The following AGBL1 variants were observed in gnomAD, a reference collection of about 807,000 sequenced individuals.
AGBL1 encodes cytosolic carboxypeptidase 4.
In AGBL1, 130 loss-of-function variants were observed where a neutral mutation model predicts 118.9. That is an observed-to-expected ratio of 1.09 (90% CI 0.95 to 1.26). The LOEUF is 1.26. Ranked by LOEUF, AGBL1 falls within the 50% of genes most tolerant of loss-of-function variation. The pLI is 0.00. For missense variants in AGBL1, 1,584 were observed against 1,298.1 expected (o/e 1.22, Z -3.38); for synonymous variants, 555 against 478.9 (o/e 1.16, Z -2.08).
intron 21 of AGBL1, among the ~76,000 whole-genome samples, chr15:86,655,473 A>C (rs1370195640): frequency 2.0e-5 from 3 of 152,194 alleles, no homozygotes; most frequent in Non-Finnish European, 4.4e-5. Context: ...GTAGGTAATC[A>C]ATAATTTCCC....
chr15:86,526,563 TATATATATATACAC>T (rs201284175), intron 19 of AGBL1, among the ~76,000 whole-genome samples: 4,031 of 140,232 alleles, frequency 0.029, 157 homozygotes, highest in African/African-American at 0.083. Flanking sequence ...TATATATATA[TATATATATATACAC>T]ACAGAGTATA....
chr15:86,626,694 C>G (rs949737517), intron 21 of AGBL1, among the ~76,000 whole-genome samples: 2 of 152,004 alleles, frequency 1.3e-5, no homozygotes, highest in Non-Finnish European at 2.9e-5. Context: ...ATTTGGAGAA[C>G]AGTGAAGACT....
At chr15:86,737,429 G>A (rs2077618260) in intron 22 of AGBL1, among the ~76,000 whole-genome samples, 1 of 152,172 alleles carries the variant, frequency 6.6e-6, no homozygotes, top group Non-Finnish European at 1.5e-5. Flanking sequence ...TCTCTACAAA[G>A]TGAAGTTTGT....
chr15:87,030,899 T>C (rs1287764354), downstream of AGBL1, among the ~76,000 whole-genome samples: 4 of 151,870 alleles, frequency 2.6e-5, no homozygotes, highest in Non-Finnish European at 4.4e-5. Flanking sequence ...TACACTCTGG[T>C]AGGATGTTGC....
intron 21 of AGBL1, among the ~76,000 whole-genome samples, chr15:86,659,605 G>C (rs574692439): frequency 7.9e-5 from 12 of 152,178 alleles, no homozygotes; most frequent in African/African-American, 2.6e-4. Flanking sequence ...ATACATCCCA[G>C]TTCTTTTGTC....
chr15:86,860,006 T>G (rs566868131), intron 22 of AGBL1, among the ~76,000 whole-genome samples: 1 of 152,364 alleles, frequency 6.6e-6, no homozygotes, highest in Non-Finnish European at 1.5e-5. Flanking sequence ...TTCAGGCATC[T>G]GATCCCAAGT....
Position 86,916,114 on chromosome 15 carries a change from GA to G in AGBL1, c.*8823del, listed in dbSNP as rs2080419745. 3 of 152,332 alleles carry G rather than the reference GA, an allele frequency of 2.0e-5. No individual in the cohort carries two copies. In the East Asian group the frequency reaches 5.8e-4, roughly 29 times the overall value. 9.4% of individuals were successfully genotyped at this position (152,332 alleles called of 1,614,324 possible). A position where few individuals can be genotyped will look rare whatever the true frequency, so the allele number is the denominator to read the frequency against. On this transcript the variant is annotated 3_prime_UTR_variant, in exon 23 of 23. Transcript: ENST00000614907. The stretch of plus-strand genomic sequence containing the variant: ...AGCCTAAGCTGGGCACATAGGAACG[GA>G]AATGCATTGACTTTAATAAAACAGA...
At chr15:86,674,035 A>G (rs1465023486) in intron 21 of AGBL1, among the ~76,000 whole-genome samples, 4 of 152,064 alleles carry the variant, frequency 2.6e-5, no homozygotes, top group African/African-American at 9.7e-5. Context: ...AACCCCTACC[A>G]GCTCATTATT....
At chr15:86,193,378 A>G (rs766473451) in intron 5 of AGBL1, among the ~76,000 whole-genome samples, 10 of 152,118 alleles carry the variant, frequency 6.6e-5, no homozygotes, top group Non-Finnish European at 1.2e-4. Context: ...AGAATTTTTC[A>G]CTTCTTTGGA....
At chr15:86,993,726 C>G (rs552053431) in intron 24 of AGBL1, among the ~76,000 whole-genome samples, 3 of 152,310 alleles carry the variant, frequency 2.0e-5, no homozygotes, top group South Asian at 4.1e-4. Flanking sequence ...GCAAATCTAT[C>G]TAAATCCAAC....
intron 22 of AGBL1, among the ~76,000 whole-genome samples, chr15:86,854,377 A>G (rs775497879): frequency 2.6e-5 from 4 of 152,150 alleles, no homozygotes; most frequent in Non-Finnish European, 4.4e-5. Flanking sequence ...GTGTCCTTTC[A>G]GCAGAAGAAC....
intron 18 of AGBL1, among the ~76,000 whole-genome samples, chr15:86,406,618 G>C (rs1237790282): frequency 6.6e-6 from 1 of 152,136 alleles, no homozygotes; most frequent in African/African-American, 2.4e-5. Flanking sequence ...GGCTCTTCCT[G>C]AATCAAGCTG....
intron 21 of AGBL1, among the ~76,000 whole-genome samples, chr15:86,666,524 T>A (rs138844027): frequency 6.6e-6 from 1 of 152,172 alleles, no homozygotes; most frequent in African/African-American, 2.4e-5. Context: ...TTTTTTCTTA[T>A]CTTATTGAAT....
chr15:86,396,217 GTATATATATGTGTGTGTGTGTGTGTGTA>G (rs1567234987), intron 17 of AGBL1, among the ~76,000 whole-genome samples: 1 of 129,608 alleles, frequency 7.7e-6, no homozygotes, highest in Non-Finnish European at 1.6e-5. Flanking sequence ...ACGTGTGTGT[GTATATATATGTGTGTGTGTGTGTGTGTA>G]TATATATATA....
chr15:86,931,981 A>C (rs573669257), intron 23 of AGBL1, among the ~76,000 whole-genome samples: 2 of 152,354 alleles, frequency 1.3e-5, no homozygotes, highest in Non-Finnish European at 2.9e-5. Context: ...TCTGTTTGAT[A>C]TTCTGAAGGA....
rs2080866281 is a variant in AGBL1, at chr15:86,950,279, A to AAAT, written c.3222-37702_3222-37700dup. Among the ~76,000 whole-genome samples, 5 of 151,652 alleles carry AAAT rather than the reference A, an allele frequency of 3.3e-5. No homozygotes were observed. The South Asian group carries it at 1.0e-3, about 31-fold the overall frequency. ...AACCCCAAATAAAGTTAAAACAAGAAAATAATAAAAAGATAGACTAATGGA... is the reference window on the plus strand; with the variant it reads ...AACCCCAAATAAAGTTAAAACAAGAAAATAATAATAAAAAGATAGACTAATGGA... On this transcript the variant is annotated intron_variant, in intron 23 of 24. Transcript: ENST00000441037.
chr15:86,999,220 A>G (rs1034623113), intron 24 of AGBL1, among the ~76,000 whole-genome samples: 1 of 150,512 alleles, frequency 6.6e-6, no homozygotes, highest in Non-Finnish European at 1.5e-5. Flanking sequence ...AAATTTTTAT[A>G]TATATATTTT....
intron 23 of AGBL1, among the ~76,000 whole-genome samples, chr15:86,975,589 C>T (rs555899260): frequency 3.9e-5 from 6 of 152,256 alleles, no homozygotes; most frequent in African/African-American, 1.4e-4. Flanking sequence ...CATTGCTCTC[C>T]ATGCTCCAAC....
chr15:86,301,484 C>T (rs1445907505), intron 17 of AGBL1, among the ~76,000 whole-genome samples: 1 of 151,750 alleles, frequency 6.6e-6, no homozygotes, highest in Non-Finnish European at 1.5e-5. Context: ...TGAGTTCTCT[C>T]CATGGAAATC....
Sources: allele counts gnomAD v4.1 joint callset (sites outside exome capture counted in the v4.1 genomes callset), GRCh38; gene constraint gnomAD v4.1.1; transcripts MANE v1.5; gene names NCBI Gene and HGNC (gene_info 2026-07-23, HGNC 2026-07-21).